NR3C2: variants seen among roughly 807,000 people sequenced by gnomAD.
The protein encoded by NR3C2 is mineralocorticoid receptor.
A neutral mutation model predicts 86.4 loss-of-function variants in NR3C2; 15 were observed. The observed-to-expected ratio is 0.17, with a 90% CI of 0.12 to 0.27. The LOEUF (loss-of-function observed/expected upper bound fraction) is 0.27, where lower values mean the gene tolerates loss of function less well. NR3C2 is among the 10% of genes least tolerant of loss of function. The probability of loss-of-function intolerance (pLI) is 1.00; values close to 1 mark genes in which losing one functional copy is unlikely to be tolerated. For synonymous variants in NR3C2, 458 were observed against 450.5 expected, an observed-to-expected ratio of 1.02 and a Z score of -0.21; for missense variants, 960 against 1,195.6, an observed-to-expected ratio of 0.80 and a Z score of 2.91.
At position 148,081,339 on chromosome 4, in the gene NR3C2, G is replaced by A; in HGVS notation, c.*5C>T. 1 of 1,614,176 alleles carries A rather than the reference G, an allele frequency of 6.2e-7. No individual in the cohort carries two copies. The highest frequency in any genetic ancestry group is 1.1e-5 in the South Asian group (1 of 91,076). On this transcript the variant is annotated 3_prime_UTR_variant, in exon 9 of 9. Transcript: ENST00000358102. ...TAAGGCAAAGTTCTTCTGGGCAGCG[G>A]GCAGTCACTTCCGGTGGAAGTAGAG...
At chr4:148,084,286 C>A (rs1730710196) in intron 8 of NR3C2, among the ~76,000 whole-genome samples, 1 of 152,222 alleles carries the variant, frequency 6.6e-6, no homozygotes, top group Non-Finnish European at 1.5e-5. Context: ...GGGTTACCCA[C>A]AAAGTGGGAA....
chr4:148,251,556 T>C (rs1739580982), intron 3 of NR3C2, among the ~76,000 whole-genome samples: 1 of 152,210 alleles, frequency 6.6e-6, no homozygotes, highest in Admixed American at 6.6e-5. Context: ...GCTAGTAGCA[T>C]TCAGCTTTGT....
intron 2 of NR3C2, among the ~76,000 whole-genome samples, chr4:148,263,454 TG>T (rs1173383367): frequency 6.6e-6 from 1 of 152,172 alleles, no homozygotes; most frequent in Non-Finnish European, 1.5e-5. Flanking sequence ...TTCAGGCCCT[TG>T]TTACTTCCCA....
Position 148,198,140 on chromosome 4 carries a change from C to G in NR3C2, c.1898-3278G>C, listed in dbSNP as rs543367518. Among the ~76,000 whole-genome samples, 5 of 151,896 alleles carry G rather than the reference C, an allele frequency of 3.3e-5. 1 individual carries two copies. In the South Asian group the frequency reaches 1.0e-3, roughly 32 times the overall value. On this transcript the variant is annotated intron_variant, in intron 3 of 8. Transcript: ENST00000358102. Reference sequence around the variant, plus strand: ...AACTAAATTAAAGGGAAAATAAAAGCAAAAATGCCTTATGGACTTAAAAAA... The same window carrying G: ...AACTAAATTAAAGGGAAAATAAAAGGAAAAATGCCTTATGGACTTAAAAAA...
At chr4:148,201,707 T>A (rs1364847369) in intron 3 of NR3C2, among the ~76,000 whole-genome samples, 2 of 152,148 alleles carry the variant, frequency 1.3e-5, no homozygotes, top group African/African-American at 2.4e-5. Context: ...CCCCATTACT[T>A]TTCTTTTAAG....
chr4:148,301,849 A>AC lies in NR3C2; in HGVS notation c.1758-41733dup, dbSNP rs1742352924. On this transcript the variant is annotated intron_variant, in intron 2 of 8. Coordinates refer to ENST00000358102, the MANE Select transcript of NR3C2 (RefSeq NM_000901.5). The stretch of plus-strand genomic sequence containing the variant: ...ACCATGAAGAAAAGTAAACAGGGTT[A>AC]CCTCACATGTTTAGGTACATGGGAT... 3.9e-5 allele frequency among the ~76,000 whole-genome samples: 6 copies of AC among 152,316 alleles called. No homozygotes were observed. The South Asian group carries it at 1.2e-3, about 32-fold the overall frequency.
intron 3 of NR3C2, among the ~76,000 whole-genome samples, chr4:148,246,164 A>G (rs1342220644): frequency 1.3e-5 from 2 of 152,172 alleles, no homozygotes; most frequent in South Asian, 4.1e-4. Context: ...GGCCATTTCC[A>G]TTTTTAAAAA....
intron 6 of NR3C2, among the ~76,000 whole-genome samples, chr4:148,132,543 G>A (rs1233070981): frequency 6.6e-6 from 1 of 152,154 alleles, no homozygotes; most frequent in Non-Finnish European, 1.5e-5. Context: ...ACTACCAGAG[G>A]CCATTCTGAT....
chr4:148,312,538 C>T (rs1442275137), intron 2 of NR3C2, among the ~76,000 whole-genome samples: 1 of 152,108 alleles, frequency 6.6e-6, no homozygotes, highest in African/African-American at 2.4e-5. Flanking sequence ...GCTTCTAGTA[C>T]AGTATCTGGC....
rs1748203782 is a variant in NR3C2 at position 148,402,200 on chromosome 4, T to C, written c.1757+32904A>G. Among the ~76,000 whole-genome samples the C allele has an allele frequency of 2.0e-5, 3 of 152,142 alleles. No homozygotes were observed. The South Asian group carries it at 6.2e-4, about 31-fold the overall frequency. The stretch of plus-strand genomic sequence containing the variant: ...CACGGACAGTAGACAGACATAACAA[T>C]TACCTTCTAGGCTTTGAATTCTTAG... On this transcript the variant is annotated intron_variant, in intron 2 of 8. Transcript: ENST00000358102.
At chr4:148,260,841 G>A (rs1740061790) in intron 2 of NR3C2, among the ~76,000 whole-genome samples, 1 of 152,136 alleles carries the variant, frequency 6.6e-6, no homozygotes, top group African/African-American at 2.4e-5. Context: ...GCAACAATCT[G>A]TTTGAATACT....
At chr4:148,111,482 C>T in intron 8 of NR3C2, among the ~76,000 whole-genome samples, 1 of 152,144 alleles carries the variant, frequency 6.6e-6, no homozygotes, top group African/African-American at 2.4e-5. Context: ...GGCATTCATC[C>T]AAGAAAGGAG....
At position 148,103,832 on chromosome 4, in the gene NR3C2, C is replaced by G. The variant is rs573878858; in HGVS notation, c.2799+10272G>C. On this transcript the variant is annotated intron_variant, in intron 8 of 8. Transcript: ENST00000358102. Reference sequence around the variant, plus strand: ...TTCCAGTCAGACTCCACGGCCCCAGCTGCAGGCATGTAACAGACACCAGTC... The same window carrying G: ...TTCCAGTCAGACTCCACGGCCCCAGGTGCAGGCATGTAACAGACACCAGTC... Among the ~76,000 whole-genome samples, 8 of 152,288 alleles carry G rather than the reference C, an allele frequency of 5.3e-5. No individual in the cohort carries two copies. The South Asian group carries it at 1.5e-3, about 28-fold the overall frequency.
chr4:148,356,986 C>T (rs1399657625), intron 2 of NR3C2, among the ~76,000 whole-genome samples: 1 of 151,432 alleles, frequency 6.6e-6, no homozygotes, highest in East Asian at 1.9e-4. Flanking sequence ...CTACAGAGTC[C>T]TCATAGGAAC....
At chr4:148,337,058 G>C (rs1744528266) in intron 2 of NR3C2, among the ~76,000 whole-genome samples, 1 of 152,176 alleles carries the variant, frequency 6.6e-6, no homozygotes, top group South Asian at 2.1e-4. Flanking sequence ...GCCTCCCAAA[G>C]TGCTGGGACT....
intron 2 of NR3C2, among the ~76,000 whole-genome samples, chr4:148,271,227 C>CT (rs951657342): frequency 1.3e-5 from 2 of 152,004 alleles, no homozygotes; most frequent in African/African-American, 4.8e-5. Context: ...ATATGCTTTG[C>CT]TTTTTTTTCT....
intron 6 of NR3C2, among the ~76,000 whole-genome samples, chr4:148,140,907 G>A (rs910967803): frequency 2.0e-5 from 3 of 152,022 alleles, no homozygotes; most frequent in Non-Finnish European, 2.9e-5. Context: ...AACTCCTTAG[G>A]AAATTTCTCA....
At chr4:148,343,178 A>C (rs1034899918) in intron 2 of NR3C2, among the ~76,000 whole-genome samples, 2 of 152,152 alleles carry the variant, frequency 1.3e-5, no homozygotes, top group Admixed American at 1.3e-4. Context: ...ATAGATACTC[A>C]TTATGCCAAC....
chr4:148,303,566 G>A (rs948884827), intron 2 of NR3C2, among the ~76,000 whole-genome samples: 6 of 152,024 alleles, frequency 3.9e-5, no homozygotes, highest in African/African-American at 1.4e-4. Flanking sequence ...CAATTCCACA[G>A]CTTCACCTTA....
Sources: gnomAD v4.1 joint callset for allele counts (sites outside exome capture counted in the v4.1 genomes callset) on GRCh38, gnomAD v4.1.1 for gene constraint, MANE v1.5 for transcripts, NCBI Gene and HGNC (gene_info 2026-07-23, HGNC 2026-07-21) for gene names.